NEK1: variants seen among roughly 807,000 people sequenced by gnomAD.
The protein encoded by NEK1 is serine/threonine-protein kinase Nek1.
NEK1 carries 137 observed loss-of-function variants against 182.1 expected under a neutral mutation model. That is an observed-to-expected ratio of 0.75 (90% CI 0.65 to 0.87). The LOEUF (loss-of-function observed/expected upper bound fraction) is 0.87, where lower values mean the gene tolerates loss of function less well. NEK1 is among the 40% of genes least tolerant of loss of function. The probability of loss-of-function intolerance (pLI) is 0.00; values close to 1 mark genes in which losing one functional copy is unlikely to be tolerated. For synonymous variants in NEK1, 513 were observed against 492.2 expected (o/e 1.04, Z -0.56); for missense variants, 1,391 against 1,494.4 (o/e 0.93, Z 1.14).
At chr4:169,467,451 C>G (rs1469479608) in intron 26 of NEK1, among the ~76,000 whole-genome samples, 1 of 151,932 alleles carries the variant, frequency 6.6e-6, no homozygotes, top group East Asian at 1.9e-4. Context: ...GAAGCAAACA[C>G]TGAAATAACA....
intron 19 of NEK1, among the ~76,000 whole-genome samples, chr4:169,537,211 C>A (rs567631029): frequency 6.6e-6 from 1 of 152,206 alleles, no homozygotes; most frequent in South Asian, 2.1e-4. Context: ...AGAGTTTTAA[C>A]TACCTCAAAT....
chr4:169,490,475 C>G (rs1359942074), intron 23 of NEK1, among the ~76,000 whole-genome samples: 1 of 151,984 alleles, frequency 6.6e-6, no homozygotes, highest in African/African-American at 2.4e-5. Flanking sequence ...CAGATAATGA[C>G]CCCAAAGAAA....
At chr4:169,600,548 G>C (rs184327891) in intron 4 of NEK1, among the ~76,000 whole-genome samples, 103 of 152,132 alleles carry the variant, frequency 6.8e-4, no homozygotes, top group Non-Finnish European at 1.2e-3. Flanking sequence ...TGTCACTCGT[G>C]GTGCACATAT....
chr4:169,601,899 T>C, intron 4 of NEK1, 109 bp downstream of exon 4: 1 of 746,164 alleles, frequency 1.3e-6, no homozygotes, highest in Non-Finnish European at 2.3e-6. Context: ...CTGATATTCA[T>C]ATGCGTATGT....
intron 19 of NEK1, among the ~76,000 whole-genome samples, chr4:169,532,349 C>T (rs1439863203): frequency 6.6e-6 from 1 of 152,140 alleles, no homozygotes; most frequent in African/African-American, 2.4e-5. Flanking sequence ...AAAGTAGCTC[C>T]TCTTAGGGCA....
At chr4:169,439,529 T>C (rs1361461092) in intron 27 of NEK1, among the ~76,000 whole-genome samples, 1 of 152,242 alleles carries the variant, frequency 6.6e-6, no homozygotes, top group Non-Finnish European at 1.5e-5. Flanking sequence ...CATCTGTGTT[T>C]TTCCTCCTTC....
At chr4:169,448,723 A>G (rs1395876550) in intron 27 of NEK1, among the ~76,000 whole-genome samples, 1 of 152,246 alleles carries the variant, frequency 6.6e-6, no homozygotes, top group East Asian at 1.9e-4. Context: ...TCCAGTCTAC[A>G]GCTTCCAGCG....
intron 23 of NEK1, among the ~76,000 whole-genome samples, chr4:169,481,533 A>T (rs1403577046): frequency 1.3e-5 from 2 of 152,226 alleles, no homozygotes; most frequent in African/African-American, 2.4e-5. Flanking sequence ...TGTATAATAC[A>T]TCTCCATCAG....
rs1331860460 is a variant in NEK1 at position 169,536,655 on chromosome 4, C to A, written c.1665+1154G>T. 5.3e-5 allele frequency among the ~76,000 whole-genome samples: 8 copies of A among 151,712 alleles called. No individual in the cohort carries two copies. In the East Asian group the frequency reaches 1.5e-3, roughly 29 times the overall value. On this transcript the variant is annotated intron_variant, in intron 19 of 35. Transcript: ENST00000507142. ...CTCTAAAAAAAAATTACCAGATTCT[C>A]CAGCATGAAAAAAAATAAACTGAGG...
intron 35 of NEK1, among the ~76,000 whole-genome samples, chr4:169,398,220 T>G (rs1010596367): frequency 2.0e-5 from 3 of 152,102 alleles, no homozygotes; most frequent in African/African-American, 7.2e-5. Context: ...TTGATAAAAT[T>G]TTTTAATATT....
At chr4:169,503,437 A>G (rs1752735256) in intron 23 of NEK1, among the ~76,000 whole-genome samples, 1 of 152,202 alleles carries the variant, frequency 6.6e-6, no homozygotes. Flanking sequence ...CAAAAAGAAC[A>G]AAACTGGAGG....
intron 10 of NEK1, among the ~76,000 whole-genome samples, chr4:169,583,989 T>C (rs1326534054): frequency 6.6e-6 from 1 of 152,186 alleles, no homozygotes; most frequent in Non-Finnish European, 1.5e-5. Context: ...ATAAAACTAA[T>C]ATAAAAAAAC....
At chr4:169,406,338 C>A (rs1327442653) in intron 32 of NEK1, among the ~76,000 whole-genome samples, 2 of 151,594 alleles carry the variant, frequency 1.3e-5, no homozygotes, top group Non-Finnish European at 2.9e-5. Flanking sequence ...GGTAAGTTAT[C>A]CCCTCTTTTT....
At chr4:169,490,312 T>TA (rs1333963185) in intron 23 of NEK1, among the ~76,000 whole-genome samples, 11 of 152,130 alleles carry the variant, frequency 7.2e-5, no homozygotes, top group Admixed American at 3.3e-4. Context: ...ACTGACCCCC[T>TA]AGCAATCATC....
Position 169,438,236 on chromosome 4 carries a change from A to C in NEK1, c.2611T>G (p.Tyr871Asp). ...RSEISPEGEK[Y>D]KPLITGEKKV... Reference sequence around the variant, plus strand: ...TTTTCTCCAGTAATTAAGGGTTTGTACTTTTCCCCTTCGGGAGAAATCTCT... The same window carrying C: ...TTTTCTCCAGTAATTAAGGGTTTGTCCTTTTCCCCTTCGGGAGAAATCTCT... The change falls in exon 28 of 36, where the codon TAC (tyrosine) becomes GAC (aspartate). Residue 871 changes from tyrosine to aspartate, a missense_variant. Around this residue, in one of 5 missense-constraint regions of NEK1, gnomAD observed 1,216 missense variants for 1,277.6 expected, o/e 0.95. Coordinates refer to ENST00000507142, the MANE Select transcript of NEK1 (RefSeq NM_001199397.3). 1 of 1,551,238 alleles carries C rather than the reference A, an allele frequency of 6.4e-7. No individual in the cohort carries two copies. The highest frequency in any genetic ancestry group is 1.2e-5 in the South Asian group (1 of 81,978).
At chr4:169,500,598 C>A (rs936700974) in intron 23 of NEK1, among the ~76,000 whole-genome samples, 3 of 152,168 alleles carry the variant, frequency 2.0e-5, no homozygotes, top group Non-Finnish European at 4.4e-5. Context: ...ACATTGGTGG[C>A]CTATTTTTAG....
At chr4:169,446,988 A>C (rs1740695602) in intron 27 of NEK1, among the ~76,000 whole-genome samples, 2 of 144,082 alleles carry the variant, frequency 1.4e-5, no homozygotes, top group South Asian at 4.2e-4. Context: ...GATTCGTTGT[A>C]ACGAGGAAGT....
chr4:169,546,439 T>C (rs1760469362), intron 18 of NEK1, among the ~76,000 whole-genome samples: 2 of 152,212 alleles, frequency 1.3e-5, no homozygotes, highest in African/African-American at 4.8e-5. Context: ...TATGTGGTGC[T>C]GAGAAGAATG....
At chr4:169,425,279 C>G (rs1351012644) in intron 30 of NEK1, among the ~76,000 whole-genome samples, 1 of 152,000 alleles carries the variant, frequency 6.6e-6, no homozygotes, top group Non-Finnish European at 1.5e-5. Flanking sequence ...ATAAAATTAG[C>G]TGGGTGTAGT....
Sources: gnomAD v4.1 joint callset for allele counts (sites outside exome capture counted in the v4.1 genomes callset) on GRCh38, gnomAD v4.1.1 for gene constraint, gnomAD v4.1.1 regional missense constraint, MANE v1.5 for transcripts, NCBI Gene and HGNC (gene_info 2026-07-23, HGNC 2026-07-21) for gene names.